NRCAM: variants seen among roughly 807,000 people sequenced by gnomAD.
NRCAM encodes the protein neuronal cell adhesion molecule, also known as NgCAM-related cell adhesion molecule.
A neutral mutation model predicts 156.5 loss-of-function variants in NRCAM; 83 were observed. The ratio of observed to expected loss-of-function variants is 0.53; its 90% CI spans 0.44 to 0.64. The LOEUF (loss-of-function observed/expected upper bound fraction) is 0.64, where lower values mean the gene tolerates loss of function less well. NRCAM is among the 30% of genes least tolerant of loss of function. The probability of loss-of-function intolerance (pLI) is 0.00; values close to 1 mark genes in which losing one functional copy is unlikely to be tolerated. For missense variants in NRCAM, 1,417 were observed against 1,597.3 expected (o/e 0.89, Z 1.92); for synonymous variants, 538 against 563.9 (o/e 0.95, Z 0.65).
intron 3 of NRCAM, among the ~76,000 whole-genome samples, chr7:108,240,933 TTTC>T (rs2095482153): frequency 6.6e-6 from 1 of 152,216 alleles, no homozygotes; most frequent in African/African-American, 2.4e-5. Context: ...TCTGTTTTTC[TTTC>T]TTGTGTCAGT....
rs117473471 is a variant in NRCAM, at chr7:108,418,043, G to T, written c.-331-18450C>A. Among the ~76,000 whole-genome samples, 632 of 152,210 alleles carry T rather than the reference G, an allele frequency of 4.2e-3. 4 individuals carry two copies. The highest frequency in any genetic ancestry group is 0.02 in the East Asian group (103 of 5,168). On this transcript the variant is annotated intron_variant, in intron 1 of 32. Coordinates refer to ENST00000379028, the MANE Select transcript of NRCAM (RefSeq NM_001037132.4). ...CAGAAGAATAAAAGCATGGAGCTCT[G>T]GAAACCCCTCTGCTCTTACATCATG...
At position 108,149,653 on chromosome 7, in the gene NRCAM, G is replaced by A. The variant is rs2150801435; in HGVS notation, c.*257C>T. 2.0e-6 allele frequency: 1 copy of A among 488,256 alleles called. No individual in the cohort carries two copies. The highest frequency in any genetic ancestry group is 3.4e-5 in the East Asian group (1 of 29,642). The allele number at this position is 488,256 out of a possible 1,614,324, so 30.2% of individuals were successfully genotyped here. A position where few individuals can be genotyped will look rare whatever the true frequency, so the allele number is the denominator to read the frequency against. ...AGAGGAAATAACAGGATCTGTTGGT[G>A]ATGTTGCATTATTTTTTATCAGTTC... On this transcript the variant is annotated 3_prime_UTR_variant, in exon 33 of 33. Transcript: ENST00000379028.
At chr7:108,318,476 GAGGCTGTTAGATTCCCTTTCTCAA>G (rs2098958705) in intron 2 of NRCAM, among the ~76,000 whole-genome samples, 1 of 152,182 alleles carries the variant, frequency 6.6e-6, no homozygotes, top group Non-Finnish European at 1.5e-5. Flanking sequence ...ACAACATTGT[GAGGCTGTTAGATTCCCTTTCTCAA>G]AGTAATATCA....
chr7:108,428,759 AT>A (rs1031767698), intron 1 of NRCAM, among the ~76,000 whole-genome samples: 1 of 152,106 alleles, frequency 6.6e-6, no homozygotes, highest in Non-Finnish European at 1.5e-5. Context: ...AGATTTTGAA[AT>A]TTTTCATACT....
intron 1 of NRCAM, among the ~76,000 whole-genome samples, chr7:108,448,615 C>T (rs1031363705): frequency 3.2e-4 from 48 of 152,150 alleles, no homozygotes; most frequent in Admixed American, 2.4e-3. Flanking sequence ...CATTCTAGTA[C>T]CCTCTACCTC....
intron 11 of NRCAM, among the ~76,000 whole-genome samples, chr7:108,221,043 T>C (rs2092058132): frequency 6.6e-6 from 1 of 151,908 alleles, no homozygotes; most frequent in Non-Finnish European, 1.5e-5. Context: ...GCTAAGGACA[T>C]GAATAGACAG....
At chr7:108,307,069 A>G (rs1174696726) in intron 3 of NRCAM, among the ~76,000 whole-genome samples, 4 of 152,224 alleles carry the variant, frequency 2.6e-5, no homozygotes, top group Non-Finnish European at 5.9e-5. Flanking sequence ...CAACTAGATT[A>G]TAATGTAGAC....
chr7:108,240,715 A>G (rs2095466043), intron 3 of NRCAM, among the ~76,000 whole-genome samples: 1 of 152,134 alleles, frequency 6.6e-6, no homozygotes, highest in South Asian at 2.1e-4. Flanking sequence ...TCCTCCCTGT[A>G]GTCACCCTCC....
intron 2 of NRCAM, among the ~76,000 whole-genome samples, chr7:108,340,606 G>A (rs2099265181): frequency 6.6e-6 from 1 of 152,166 alleles, no homozygotes; most frequent in African/African-American, 2.4e-5. Flanking sequence ...CCCTCACTGG[G>A]ACACAGAATC....
At chr7:108,431,860 T>C (rs1204968680) in intron 1 of NRCAM, among the ~76,000 whole-genome samples, 1 of 152,174 alleles carries the variant, frequency 6.6e-6, no homozygotes, top group Admixed American at 6.5e-5. Context: ...TTTCCAAAAG[T>C]TAGTTTTAAA....
chr7:108,428,102 C>T (rs916006185), intron 1 of NRCAM, among the ~76,000 whole-genome samples: 3 of 152,146 alleles, frequency 2.0e-5, no homozygotes, highest in South Asian at 2.1e-4. Flanking sequence ...AAAGGAGAAA[C>T]GTTTTAGAAC....
intron 4 of NRCAM, among the ~76,000 whole-genome samples, 166 bp downstream of exon 4, chr7:108,239,793 T>C (rs1229853636): frequency 6.6e-6 from 1 of 152,178 alleles, no homozygotes; most frequent in African/African-American, 2.4e-5. Flanking sequence ...ACTTCTACAG[T>C]GTGAATCTTT....
intron 24 of NRCAM, among the ~76,000 whole-genome samples, chr7:108,181,585 T>TTGG (rs2063497575): frequency 6.6e-6 from 1 of 151,570 alleles, no homozygotes; most frequent in Non-Finnish European, 1.5e-5. Context: ...TGGTAGAATG[T>TTGG]TAGATCATCA....
At chr7:108,230,980 A>G in intron 8 of NRCAM, 51 bp downstream of exon 8, 1 of 1,442,698 alleles carries the variant, frequency 6.9e-7, no homozygotes, top group Non-Finnish European at 9.7e-7. Flanking sequence ...TTATGACTGT[A>G]AACAATCCTA....
At chr7:108,360,636 T>G (rs1331282038) in intron 2 of NRCAM, among the ~76,000 whole-genome samples, 1 of 152,156 alleles carries the variant, frequency 6.6e-6, no homozygotes, top group African/African-American at 2.4e-5. Flanking sequence ...GACACTGCTG[T>G]GAGTAGACAT....
chr7:108,187,530 T>C (rs2067710600), intron 20 of NRCAM, among the ~76,000 whole-genome samples: 1 of 152,184 alleles, frequency 6.6e-6, no homozygotes, highest in Admixed American at 6.5e-5. Flanking sequence ...ATTATACCCC[T>C]AGCTCCACAT....
chr7:108,451,894 G>A (rs1850819701), intron 1 of NRCAM, among the ~76,000 whole-genome samples: 1 of 152,194 alleles, frequency 6.6e-6, no homozygotes, highest in Non-Finnish European at 1.5e-5. Context: ...CACACAATGT[G>A]AATGTACTTA....
intron 3 of NRCAM, among the ~76,000 whole-genome samples, chr7:108,300,251 T>C (rs909947486): frequency 2.0e-5 from 3 of 149,174 alleles, no homozygotes; most frequent in African/African-American, 7.4e-5. Flanking sequence ...TTAGGGCATA[T>C]TTGATTATTC....
chr7:108,437,536 A>G (rs1447644477), intron 1 of NRCAM, among the ~76,000 whole-genome samples: 2 of 152,174 alleles, frequency 1.3e-5, no homozygotes, highest in Non-Finnish European at 2.9e-5. Flanking sequence ...AAAACATCTC[A>G]TGTACCTCAT....
Sources: gnomAD v4.1 joint callset for allele counts (sites outside exome capture counted in the v4.1 genomes callset) on GRCh38, gnomAD v4.1.1 for gene constraint, MANE v1.5 for transcripts, NCBI Gene and HGNC (gene_info 2026-07-23, HGNC 2026-07-21) for gene names.